Variants in CNBD1 observed in about 807,000 individuals in gnomAD.
The protein encoded by CNBD1 is cyclic nucleotide-binding domain-containing protein 1.
In CNBD1, 71 loss-of-function variants were observed where a neutral mutation model predicts 54.4. The ratio of observed to expected loss-of-function variants is 1.30; its 90% CI spans 1.08 to 1.59. The LOEUF (loss-of-function observed/expected upper bound fraction) is 1.59. Ranked by LOEUF, CNBD1 falls within the 40% of genes most tolerant of loss-of-function variation. CNBD1 has a pLI of 0.00. For missense variants in CNBD1, 659 were observed against 518.0 expected (o/e 1.27, Z -2.64); for synonymous variants, 182 against 170.7 (o/e 1.07, Z -0.51).
intron 3 of CNBD1, chr8:87,428,632 T>C: frequency 2.2e-6 from 1 of 451,400 alleles, no homozygotes; most frequent in Non-Finnish European, 4.4e-6. Flanking sequence ...AATGTTCAAG[T>C]TATAATAAAT....
intron 8 of CNBD1, among the ~76,000 whole-genome samples, chr8:87,310,786 A>G (rs1809248187): frequency 6.6e-6 from 1 of 152,166 alleles, no homozygotes; most frequent in South Asian, 2.1e-4. Flanking sequence ...AAACAGACAC[A>G]TGGACCAATG....
rs1811026371 is a variant in CNBD1 at position 87,379,410 on chromosome 8, C to T, written c.1304-3210C>T. 1.3e-5 allele frequency among the ~76,000 whole-genome samples: 2 copies of T among 151,788 alleles called. 1 individual carries two copies. The highest frequency in any genetic ancestry group is 4.1e-4 in the South Asian group (2 of 4,820). On this transcript the variant is annotated intron_variant, in intron 10 of 10. Coordinates refer to ENST00000518476, the MANE Select transcript of CNBD1 (RefSeq NM_173538.3). The stretch of plus-strand genomic sequence containing the variant: ...TAGACATCTACAGAACTCTCCACCC[C>T]AAATCAACAAAATATACATTTTTTT...
At chr8:87,090,080 G>A (rs72665014) in intron 4 of CNBD1, among the ~76,000 whole-genome samples, 25,489 of 151,968 alleles carry the variant, frequency 0.17, 2,520 homozygotes, top group Admixed American at 0.24. Flanking sequence ...AGAATGTAAT[G>A]TTTCTATTTC....
At chr8:87,394,655 T>C (rs1811376598) in intron 2 of CNBD1, among the ~76,000 whole-genome samples, 1 of 151,646 alleles carries the variant, frequency 6.6e-6, no homozygotes, top group South Asian at 2.1e-4. Context: ...ATAGTTAAGA[T>C]TGTAAAATAC....
At chr8:87,052,637 A>T (rs900938438) in intron 4 of CNBD1, among the ~76,000 whole-genome samples, 5 of 152,058 alleles carry the variant, frequency 3.3e-5, no homozygotes, top group Non-Finnish European at 2.9e-5. Context: ...GTTTCTTCCA[A>T]GTTCTTTAGT....
chr8:87,334,863 ACAGGTGCCCACCAC>A (rs1705326540), intron 8 of CNBD1, among the ~76,000 whole-genome samples: 1 of 151,910 alleles, frequency 6.6e-6, no homozygotes, highest in African/African-American at 2.4e-5. Context: ...CGCTGGGACT[ACAGGTGCCCACCAC>A]CATGCCCAGC....
chr8:87,372,290 G>T (rs1563574634), intron 10 of CNBD1, among the ~76,000 whole-genome samples: 1 of 151,866 alleles, frequency 6.6e-6, no homozygotes, highest in Admixed American at 6.6e-5. Flanking sequence ...TTTTGTTTCT[G>T]TTTTTTGATA....
chr8:87,414,476 A>G (rs903613246), intron 2 of CNBD1, among the ~76,000 whole-genome samples: 2 of 152,122 alleles, frequency 1.3e-5, no homozygotes, highest in African/African-American at 4.8e-5. Context: ...TACATATGTA[A>G]CAAACCTGCA....
At chr8:87,227,714 G>A (rs958036883) in intron 5 of CNBD1, among the ~76,000 whole-genome samples, 13 of 148,774 alleles carry the variant, frequency 8.7e-5, no homozygotes, top group African/African-American at 2.8e-4. Flanking sequence ...TGACAATGAT[G>A]TGTCTTGGAG....
intron 3 of CNBD1, among the ~76,000 whole-genome samples, chr8:86,910,196 G>A (rs563249079): frequency 1.3e-5 from 2 of 152,122 alleles, no homozygotes; most frequent in Admixed American, 6.5e-5. Context: ...CTATTGATTC[G>A]CCTAACCTAC....
chr8:87,385,049 C>T (rs1280821093), downstream of CNBD1, among the ~76,000 whole-genome samples: 1 of 152,080 alleles, frequency 6.6e-6, no homozygotes, highest in Non-Finnish European at 1.5e-5. Flanking sequence ...CACTTGGGTT[C>T]TATATGCAAA....
chr8:87,378,818 C>G (rs1040216885), intron 10 of CNBD1, among the ~76,000 whole-genome samples: 3 of 150,422 alleles, frequency 2.0e-5, no homozygotes, highest in African/African-American at 7.5e-5. Flanking sequence ...TTTGTATCCG[C>G]TTTTATTTCC....
chr8:87,349,024 A>G (rs1442357330), intron 8 of CNBD1, among the ~76,000 whole-genome samples: 1 of 152,178 alleles, frequency 6.6e-6, no homozygotes, highest in African/African-American at 2.4e-5. Context: ...GTCTTTAAAT[A>G]TTACTTTTAA....
intron 5 of CNBD1, among the ~76,000 whole-genome samples, chr8:87,231,317 T>G (rs1277720814): frequency 2.0e-5 from 3 of 152,078 alleles, no homozygotes; most frequent in Non-Finnish European, 4.4e-5. Context: ...AAACACTATC[T>G]CTAAGCAATA....
intron 4 of CNBD1, among the ~76,000 whole-genome samples, chr8:86,945,769 G>T (rs1807450526): frequency 6.6e-6 from 1 of 152,148 alleles, no homozygotes; most frequent in African/African-American, 2.4e-5. Context: ...GGGAAATAAA[G>T]GAAGAGAATT....
intron 3 of CNBD1, among the ~76,000 whole-genome samples, chr8:86,918,347 AAC>A (rs1809219926): frequency 6.6e-6 from 1 of 151,730 alleles, no homozygotes; most frequent in Non-Finnish European, 1.5e-5. Context: ...ATGTTATTAG[AAC>A]ATGTTTCTTT....
At chr8:86,878,469 C>A (rs1808558481) in intron 1 of CNBD1, among the ~76,000 whole-genome samples, 1 of 151,554 alleles carries the variant, frequency 6.6e-6, no homozygotes, top group African/African-American at 2.4e-5. Context: ...TCCAAAGGTT[C>A]TGTGTAGTTA....
At chr8:87,167,674 A>T (rs1262521906) in intron 4 of CNBD1, among the ~76,000 whole-genome samples, 1 of 151,958 alleles carries the variant, frequency 6.6e-6, no homozygotes, top group African/African-American at 2.4e-5. Flanking sequence ...CCAACTGGAT[A>T]ATGCAGGGCT....
At chr8:87,365,872 G>A (rs1810631810) in intron 10 of CNBD1, among the ~76,000 whole-genome samples, 1 of 151,986 alleles carries the variant, frequency 6.6e-6, no homozygotes, top group Non-Finnish European at 1.5e-5. Context: ...ATTTTATAAT[G>A]TCTCCCACAT....
Sources: allele counts gnomAD v4.1 joint callset (sites outside exome capture counted in the v4.1 genomes callset), GRCh38; gene constraint gnomAD v4.1.1; transcripts MANE v1.5; gene names NCBI Gene and HGNC (gene_info 2026-07-23, HGNC 2026-07-21).